FBLN2: variants seen among roughly 807,000 people sequenced by gnomAD.
The protein encoded by FBLN2 is fibulin-2.
In FBLN2, 81 loss-of-function variants were observed where a neutral mutation model predicts 123.7. The observed-to-expected ratio is 0.65, with a 90% CI of 0.55 to 0.79. FBLN2 has a LOEUF of 0.79. Among genes scored for constraint, FBLN2 ranks in the 30% least tolerant of loss-of-function variants. The pLI is 0.00. For missense variants in FBLN2, 1,603 were observed against 1,681.3 expected (o/e 0.95, Z 0.81); for synonymous variants, 699 against 701.4 (o/e 1.00, Z 0.05).
At chr3:13,599,825 C>A (rs1014213583) in intron 2 of FBLN2, among the ~76,000 whole-genome samples, 2 of 150,816 alleles carry the variant, frequency 1.3e-5, no homozygotes, top group Non-Finnish European at 3.0e-5. Context: ...TGGGGAAGTG[C>A]CAGGGAGACA....
chr3:13,568,161 A>G (rs995664211), intron 1 of FBLN2, among the ~76,000 whole-genome samples: 2 of 152,142 alleles, frequency 1.3e-5, no homozygotes, highest in African/African-American at 4.8e-5. Context: ...TCGAGGCCCC[A>G]GAGGCTCCCT....
At chr3:13,593,024 C>A (rs1704725564) in intron 2 of FBLN2, among the ~76,000 whole-genome samples, 1 of 152,310 alleles carries the variant, frequency 6.6e-6, no homozygotes. Flanking sequence ...GGAGAGACAG[C>A]AGAAGCCACA....
intron 11 of FBLN2, among the ~76,000 whole-genome samples, chr3:13,628,619 C>T (rs373516199): frequency 2.0e-5 from 3 of 152,206 alleles, no homozygotes; most frequent in Non-Finnish European, 2.9e-5. Flanking sequence ...ACCCCTGGCA[C>T]GTGGTTGGTG....
intron 7 of FBLN2, among the ~76,000 whole-genome samples, chr3:13,619,227 G>C (rs548747101): frequency 2.0e-5 from 3 of 152,308 alleles, no homozygotes; most frequent in Admixed American, 6.5e-5. Flanking sequence ...GGACAGCCTA[G>C]GGCCTGGTGT....
chr3:13,605,390 C>G (rs1705168281), intron 2 of FBLN2, among the ~76,000 whole-genome samples: 1 of 152,160 alleles, frequency 6.6e-6, no homozygotes, highest in Non-Finnish European at 1.5e-5. Context: ...GTCATGTGTT[C>G]TTGCAAAGTA....
At chr3:13,574,600 T>A (rs3773296) in intron 2 of FBLN2, among the ~76,000 whole-genome samples, 12,022 of 152,098 alleles carry the variant, frequency 0.079, 1,406 homozygotes, top group African/African-American at 0.25. Flanking sequence ...CAGCCAGGCC[T>A]GGGGCACTGG....
At chr3:13,636,049 A>G (rs1442161731) in intron 16 of FBLN2, among the ~76,000 whole-genome samples, 1 of 152,228 alleles carries the variant, frequency 6.6e-6, no homozygotes, top group African/African-American at 2.4e-5. Context: ...ATAGCGTTCC[A>G]GCAGCAGCAA....
At chr3:13,567,809 T>C (rs947698479) in intron 1 of FBLN2, among the ~76,000 whole-genome samples, 1 of 141,092 alleles carries the variant, frequency 7.1e-6, no homozygotes, top group Non-Finnish European at 1.6e-5. Context: ...TTAAAAAAAA[T>C]TAGCTGGGTG....
chr3:13,628,446 AG>A (rs1196793459), intron 11 of FBLN2, among the ~76,000 whole-genome samples: 4 of 152,098 alleles, frequency 2.6e-5, no homozygotes, highest in African/African-American at 9.7e-5. Context: ...GCCGTACTCG[AG>A]GGTTGAGACT....
At chr3:13,569,429 C>CG (rs1433826527) in intron 1 of FBLN2, among the ~76,000 whole-genome samples, 1 of 151,160 alleles carries the variant, frequency 6.6e-6, no homozygotes, top group Non-Finnish European at 1.5e-5. Context: ...AGGGAGGTGG[C>CG]GGGGCTGTTC....
chr3:13,571,910 G>T (rs1703975643), intron 2 of FBLN2, among the ~76,000 whole-genome samples: 1 of 152,120 alleles, frequency 6.6e-6, no homozygotes, highest in Admixed American at 6.5e-5. Context: ...GGGCCCCCTG[G>T]TAGGGCTGCG....
intron 1 of FBLN2, among the ~76,000 whole-genome samples, chr3:13,561,630 C>T (rs192748261): frequency 1.3e-5 from 2 of 152,306 alleles, no homozygotes; most frequent in African/African-American, 4.8e-5. Context: ...AGTAGGTTGC[C>T]TCCTAGGCCT....
At chr3:13,607,859 C>G (rs1203348244) in intron 2 of FBLN2, among the ~76,000 whole-genome samples, 1 of 152,116 alleles carries the variant, frequency 6.6e-6, no homozygotes, top group African/African-American at 2.4e-5. Flanking sequence ...GGCTGGGCTC[C>G]TCCCAGCCCC....
intron 1 of FBLN2, among the ~76,000 whole-genome samples, chr3:13,554,104 T>G (rs1490105222): frequency 6.6e-6 from 1 of 152,212 alleles, no homozygotes; most frequent in Non-Finnish European, 1.5e-5. Context: ...AAAATGGGCC[T>G]GGTGGTAGGG....
intron 2 of FBLN2, among the ~76,000 whole-genome samples, chr3:13,575,980 A>T (rs1329663065): frequency 6.6e-6 from 1 of 152,068 alleles, no homozygotes; most frequent in African/African-American, 2.4e-5. Context: ...TATCACAGAA[A>T]CAAGAGCCGG....
At chr3:13,588,510 C>G (rs1196080104) in intron 2 of FBLN2, among the ~76,000 whole-genome samples, 3 of 152,208 alleles carry the variant, frequency 2.0e-5, no homozygotes, top group Non-Finnish European at 4.4e-5. Flanking sequence ...ACCCTGAGCT[C>G]CAGGTCCCAG....
In FBLN2 at chr3:13,638,330, T is replaced by G; in HGVS notation, c.*411T>G. On this transcript the variant is annotated 3_prime_UTR_variant, in exon 18 of 18. Transcript: ENST00000404922. ...ATCATTTTAAAGTTTTTTGTTTAAC[T>G]ATAAAGTAGTACATGTACATTATAT... The G allele has an allele frequency of 2.5e-6, 1 of 405,486 alleles. No homozygotes were observed. Among genetic ancestry groups the G allele is most frequent in the South Asian group, 1.9e-5 (1 of 52,902 alleles). The allele number at this position is 405,486 out of a possible 1,614,324, so 25.1% of individuals were successfully genotyped here.
intron 8 of FBLN2, among the ~76,000 whole-genome samples, chr3:13,620,500 A>G (rs1471820155): frequency 1.3e-5 from 2 of 151,772 alleles, no homozygotes; most frequent in Non-Finnish European, 1.5e-5. Context: ...CATACCTTCC[A>G]CCCCCGTGGC....
At chr3:13,610,942 C>G (rs2124882524) in intron 4 of FBLN2, among the ~76,000 whole-genome samples, 1 of 140,406 alleles carries the variant, frequency 7.1e-6, no homozygotes, top group Admixed American at 6.9e-5. Context: ...GACAGAGTCT[C>G]TGTCACCCAG....
Sources: allele counts gnomAD v4.1 joint callset (sites outside exome capture counted in the v4.1 genomes callset), GRCh38; gene constraint gnomAD v4.1.1; transcripts MANE v1.5; gene names NCBI Gene and HGNC (gene_info 2026-07-23, HGNC 2026-07-21).